Variants in CNTN5 observed in about 807,000 individuals in gnomAD.
CNTN5 encodes contactin 5.
A neutral mutation model predicts 129.1 loss-of-function variants in CNTN5; 77 were observed. The observed-to-expected ratio is 0.60, with a 90% CI of 0.50 to 0.72. CNTN5 has a LOEUF of 0.72. CNTN5 is among the 30% of genes least tolerant of loss of function. The probability of loss-of-function intolerance (pLI) is 0.00; values close to 1 mark genes in which losing one functional copy is unlikely to be tolerated. For synonymous variants in CNTN5, 509 were observed against 465.6 expected (o/e 1.09, Z -1.20); for missense variants, 1,478 against 1,328.8 (o/e 1.11, Z -1.75).
intron 6 of CNTN5, among the ~76,000 whole-genome samples, chr11:99,873,659 CAAAG>C (rs999518161): frequency 6.6e-6 from 1 of 152,072 alleles, no homozygotes; most frequent in African/African-American, 2.4e-5. Flanking sequence ...GGAGATACCT[CAAAG>C]AACTAAAAAT....
chr11:99,886,984 A>C (rs989344996), intron 6 of CNTN5, among the ~76,000 whole-genome samples: 2 of 152,174 alleles, frequency 1.3e-5, no homozygotes, highest in Non-Finnish European at 2.9e-5. Flanking sequence ...ACGAGAATAC[A>C]AAAGACCGAT....
intron 3 of CNTN5, among the ~76,000 whole-genome samples, chr11:99,638,392 C>T (rs1951642643): frequency 6.6e-6 from 1 of 152,084 alleles, no homozygotes; most frequent in Non-Finnish European, 1.5e-5. Context: ...TGCCCTGACC[C>T]CTCCAAACCT....
chr11:99,197,523 T>G (rs1332920458), intron 1 of CNTN5, among the ~76,000 whole-genome samples: 4 of 152,004 alleles, frequency 2.6e-5, no homozygotes, highest in African/African-American at 4.8e-5. Context: ...ATAAAGCAAA[T>G]CAAAATCTGA....
intron 1 of CNTN5, among the ~76,000 whole-genome samples, chr11:99,229,694 G>T (rs1487662463): frequency 2.6e-5 from 4 of 152,014 alleles, no homozygotes; most frequent in Admixed American, 6.6e-5. Flanking sequence ...CCTTCCCCCA[G>T]AGGCACCTTG....
intron 2 of CNTN5, among the ~76,000 whole-genome samples, chr11:99,490,307 T>C (rs1186365419): frequency 1.3e-5 from 2 of 152,214 alleles, no homozygotes; most frequent in Admixed American, 1.3e-4. Context: ...AGTTATTACA[T>C]AATTTTTTTT....
chr11:99,907,252 G>A (rs1011238467), intron 6 of CNTN5, among the ~76,000 whole-genome samples: 1 of 151,934 alleles, frequency 6.6e-6, no homozygotes, highest in African/African-American at 2.4e-5. Flanking sequence ...TTCTCCTGTG[G>A]GCATTTAGTG....
At chr11:99,694,405 T>C (rs34110385) in intron 3 of CNTN5, among the ~76,000 whole-genome samples, 6,308 of 152,248 alleles carry the variant, frequency 0.041, 137 homozygotes, top group East Asian at 0.067. Context: ...ATAAGTATCA[T>C]GTAGCCTTTA....
chr11:99,252,248 C>T (rs988108040), intron 1 of CNTN5, among the ~76,000 whole-genome samples: 1 of 151,868 alleles, frequency 6.6e-6, no homozygotes, highest in Non-Finnish European at 1.5e-5. Context: ...TTTTCCCAGA[C>T]CTTAACTATA....
At chr11:99,150,396 T>C (rs1859997805) in intron 1 of CNTN5, among the ~76,000 whole-genome samples, 1 of 152,004 alleles carries the variant, frequency 6.6e-6, no homozygotes, top group South Asian at 2.1e-4. Context: ...AAGATTCTCA[T>C]AGAAGTAAAA....
At chr11:99,153,815 C>CTTTTTT (rs60782977) in intron 1 of CNTN5, among the ~76,000 whole-genome samples, 6 of 103,340 alleles carry the variant, frequency 5.8e-5, no homozygotes, top group African/African-American at 7.8e-5. Flanking sequence ...CTTTGAATGG[C>CTTTTTT]TTTTTTTTTT....
intron 3 of CNTN5, among the ~76,000 whole-genome samples, chr11:99,617,335 A>G (rs1436692077): frequency 6.6e-6 from 1 of 152,174 alleles, no homozygotes; most frequent in Non-Finnish European, 1.5e-5. Flanking sequence ...TTCTTTATAA[A>G]TGAAACATTT....
chr11:99,418,604 A>T (rs1942762635), intron 2 of CNTN5, among the ~76,000 whole-genome samples: 1 of 152,170 alleles, frequency 6.6e-6, no homozygotes, highest in African/African-American at 2.4e-5. Context: ...ATGATTTCTG[A>T]TTATTGAGAC....
intron 4 of CNTN5, among the ~76,000 whole-genome samples, chr11:99,843,250 G>C (rs1947574479): frequency 6.6e-6 from 1 of 152,012 alleles, no homozygotes; most frequent in Non-Finnish European, 1.5e-5. Context: ...CTTGCATCTA[G>C]GTTATCTAGG....
chr11:99,164,855 A>G (rs1317425838), intron 1 of CNTN5, among the ~76,000 whole-genome samples: 2 of 152,188 alleles, frequency 1.3e-5, no homozygotes, highest in Non-Finnish European at 2.9e-5. Flanking sequence ...GTGTATTCAT[A>G]TGTTTATAAG....
chr11:100,309,257 G>T (rs1951419902), intron 21 of CNTN5: 1 of 984,404 alleles, frequency 1.0e-6, no homozygotes. Flanking sequence ...CCCATTAAGA[G>T]AAAATCATCT....
chr11:99,731,178 G>A (rs911745985), intron 3 of CNTN5, among the ~76,000 whole-genome samples: 99 of 151,384 alleles, frequency 6.5e-4, no homozygotes, highest in Admixed American at 3.0e-3. Flanking sequence ...GCGCGATCTC[G>A]GCTCACTGCA....
At chr11:99,643,383 T>G (rs656058) in intron 3 of CNTN5, among the ~76,000 whole-genome samples, 91,308 of 151,874 alleles carry the variant, frequency 0.6, 28,278 homozygotes, top group Admixed American at 0.69. Context: ...GTAGCTGTAT[T>G]ACCTCAGACA....
chr11:99,813,695 A>G (rs1156730109), intron 3 of CNTN5, among the ~76,000 whole-genome samples: 1 of 152,144 alleles, frequency 6.6e-6, no homozygotes, highest in African/African-American at 2.4e-5. Flanking sequence ...AAGAACTAGA[A>G]AAGGAGATAA....
At position 99,179,306 on chromosome 11, in the gene CNTN5, G is replaced by T. The variant is rs574704905; in HGVS notation, c.-209-146040G>T. Among the ~76,000 whole-genome samples, 15 of 152,174 alleles carry T rather than the reference G, an allele frequency of 9.9e-5. No individual in the cohort carries two copies. The East Asian group carries it at 1.2e-3, about 12-fold the overall frequency. ...AAAATACAAAAATTAGCCGGGCAAA[G>T]GGGTGCACACCTGCAATCTCAGCTA... On this transcript the variant is annotated intron_variant, in intron 1 of 24. Transcript: ENST00000524871.
Sources: allele counts gnomAD v4.1 joint callset (sites outside exome capture counted in the v4.1 genomes callset), GRCh38; gene constraint gnomAD v4.1.1; transcripts MANE v1.5; gene names NCBI Gene and HGNC (gene_info 2026-07-23, HGNC 2026-07-21).